SLCO3A1: variants seen among roughly 807,000 people sequenced by gnomAD.
SLCO3A1 encodes the protein PGE1 transporter.
Under a neutral mutation model 63.1 loss-of-function variants are expected in SLCO3A1, and 27 were observed. The observed-to-expected ratio is 0.43, with a 90% CI of 0.32 to 0.59. SLCO3A1 has a LOEUF of 0.59. Ranked by LOEUF, SLCO3A1 falls within the 20% of genes least tolerant of loss-of-function variation. The pLI is 0.09. For missense variants in SLCO3A1, 773 were observed against 945.8 expected (o/e 0.82, Z 2.40); for synonymous variants, 473 against 409.9 (o/e 1.15, Z -1.86).
chr15:92,037,341 A>G (rs1321201378), intron 2 of SLCO3A1, among the ~76,000 whole-genome samples: 2 of 152,202 alleles, frequency 1.3e-5, no homozygotes, highest in African/African-American at 4.8e-5. Flanking sequence ...CTCTGTATAG[A>G]TAGGAACCTG....
chr15:92,096,097 G>C (rs963792413), intron 3 of SLCO3A1, among the ~76,000 whole-genome samples: 4 of 152,144 alleles, frequency 2.6e-5, no homozygotes, highest in African/African-American at 9.7e-5. Flanking sequence ...CTAGCTCAGG[G>C]TCTCTTATGA....
intron 2 of SLCO3A1, among the ~76,000 whole-genome samples, chr15:92,092,658 C>T (rs1300183699): frequency 9.2e-5 from 14 of 152,160 alleles, no homozygotes; most frequent in Admixed American, 9.2e-4. Context: ...ATGCCCTCTA[C>T]TTCCTGCTGC....
chr15:92,070,717 G>C (rs933273005), intron 2 of SLCO3A1, among the ~76,000 whole-genome samples: 1 of 151,880 alleles, frequency 6.6e-6, no homozygotes, highest in African/African-American at 2.4e-5. Flanking sequence ...TAAGGATGGA[G>C]GAGTGGGAGG....
At chr15:91,920,570 A>G (rs994741950) in intron 2 of SLCO3A1, among the ~76,000 whole-genome samples, 2 of 152,144 alleles carry the variant, frequency 1.3e-5, no homozygotes, top group African/African-American at 4.8e-5. Context: ...GATGGCTGCA[A>G]ATCAGACCTT....
chr15:92,016,254 T>TAGATAGATAGATAGATAGATTAGATAGA, intron 2 of SLCO3A1, among the ~76,000 whole-genome samples: 102 of 95,660 alleles, frequency 1.1e-3, no homozygotes, highest in South Asian at 2.4e-3. Flanking sequence ...GATAGATAGA[T>TAGATAGATAGATAGATAGATTAGATAGA]TAGATAGATA....
rs1897089264 is a variant in SLCO3A1 at position 91,863,235 on chromosome 15, C to T, written c.180+9147C>T. Among the ~76,000 whole-genome samples, 1 of 152,192 alleles carries T rather than the reference C, an allele frequency of 6.6e-6. No individual in the cohort carries two copies. Among genetic ancestry groups the T allele is most frequent in the African/African-American group, 2.4e-5 (1 of 41,436 alleles). On this transcript the variant is annotated intron_variant, in intron 1 of 9. Coordinates refer to ENST00000318445, the MANE Select transcript of SLCO3A1 (RefSeq NM_013272.4). This position sits in a 1 kb window ranked among gnomAD's most constrained non-coding sequence, Gnocchi z 4.3. ...GTCAGAGAATTGTTTAAAGTAGATC[C>T]ACAGAGCCACCTAGAGCTGTCCCCC...
At chr15:92,016,259 TAGATAGA>T (rs2046433612) in intron 2 of SLCO3A1, among the ~76,000 whole-genome samples, 10 of 113,542 alleles carry the variant, frequency 8.8e-5, no homozygotes, top group South Asian at 5.9e-4. Context: ...ATAGATTAGA[TAGATAGA>T]TAGATAGATA....
intron 7 of SLCO3A1, among the ~76,000 whole-genome samples, chr15:92,133,693 C>T (rs536809391): frequency 6.9e-6 from 1 of 145,488 alleles, no homozygotes; most frequent in South Asian, 2.2e-4. Flanking sequence ...TCCCATCATC[C>T]CTAGATGGGA....
intron 1 of SLCO3A1, among the ~76,000 whole-genome samples, chr15:91,911,722 G>A (rs978785010): frequency 1.3e-5 from 2 of 152,118 alleles, no homozygotes; most frequent in Non-Finnish European, 2.9e-5. Flanking sequence ...TGCCTCCCGG[G>A]TTCAAGCAGT....
At chr15:92,064,473 T>C (rs1052797661) in intron 2 of SLCO3A1, among the ~76,000 whole-genome samples, 3 of 152,374 alleles carry the variant, frequency 2.0e-5, no homozygotes, top group South Asian at 4.1e-4. Flanking sequence ...CTTTGTACTC[T>C]GGCTGCCTGT....
intron 2 of SLCO3A1, among the ~76,000 whole-genome samples, chr15:92,075,827 G>A (rs1467126123): frequency 2.6e-5 from 4 of 152,198 alleles, no homozygotes; most frequent in African/African-American, 7.2e-5. Flanking sequence ...CCAGTTCTGT[G>A]TCTCAGCATC....
At chr15:91,915,377 C>T (rs972485693) in intron 1 of SLCO3A1, among the ~76,000 whole-genome samples, 1 of 152,170 alleles carries the variant, frequency 6.6e-6, no homozygotes, top group Non-Finnish European at 1.5e-5. Flanking sequence ...GTGCTTAGAA[C>T]AGTCAGGGGT....
chr15:91,963,012 G>T (rs1275910157), intron 2 of SLCO3A1, among the ~76,000 whole-genome samples: 1 of 152,156 alleles, frequency 6.6e-6, no homozygotes, highest in Non-Finnish European at 1.5e-5. Flanking sequence ...GATTCCTGAA[G>T]ACCTTCCTCT....
intron 2 of SLCO3A1, among the ~76,000 whole-genome samples, chr15:92,047,543 A>AATATATAAAT (rs2046897019): frequency 8.7e-5 from 1 of 11,430 alleles, no homozygotes; most frequent in Admixed American, 3.6e-3. Context: ...AAATATATAT[A>AATATATAAAT]ATATATAAAT....
intron 2 of SLCO3A1, among the ~76,000 whole-genome samples, chr15:92,050,097 A>G (rs1232045119): frequency 6.6e-6 from 1 of 152,310 alleles, no homozygotes; most frequent in East Asian, 1.9e-4. Context: ...CCTGATCACT[A>G]AGCTGCACAC....
downstream of SLCO3A1, among the ~76,000 whole-genome samples, chr15:92,166,141 G>T (rs991933075): frequency 6.6e-6 from 1 of 152,174 alleles, no homozygotes; most frequent in East Asian, 1.9e-4. Context: ...AGGGGACAGG[G>T]TTTGCTGTCT....
chr15:92,143,290 G>A (rs2048159669), intron 7 of SLCO3A1, among the ~76,000 whole-genome samples: 1 of 126,112 alleles, frequency 7.9e-6, no homozygotes, highest in South Asian at 2.6e-4. Flanking sequence ...TTGAACTAGG[G>A]CAGGGTTTGA....
At chr15:91,963,995 T>A (rs577102383) in intron 2 of SLCO3A1, among the ~76,000 whole-genome samples, 19 of 152,266 alleles carry the variant, frequency 1.2e-4, no homozygotes, top group Admixed American at 5.9e-4. Context: ...AAGTGCTGAT[T>A]GGTGTGTTCA....
chr15:91,951,558 CTTT>C (rs527858153), intron 2 of SLCO3A1, among the ~76,000 whole-genome samples: 2 of 138,098 alleles, frequency 1.4e-5, no homozygotes, highest in Admixed American at 7.2e-5. Context: ...TTTTTCTTTT[CTTT>C]TTTTTTTTTT....
Sources: allele counts gnomAD v4.1 joint callset (sites outside exome capture counted in the v4.1 genomes callset), GRCh38; gene constraint gnomAD v4.1.1; non-coding constraint Gnocchi (gnomAD v3.1); transcripts MANE v1.5; gene names NCBI Gene and HGNC (gene_info 2026-07-23, HGNC 2026-07-21).